Variants in GALNTL6 observed in about 807,000 individuals in gnomAD.
GALNTL6 encodes polypeptide N-acetylgalactosaminyltransferase-like 6.
Under a neutral mutation model 73.7 loss-of-function variants are expected in GALNTL6, and 46 were observed. That is an observed-to-expected ratio of 0.62 (90% CI 0.49 to 0.80). GALNTL6 has a LOEUF of 0.80. Ranked by LOEUF, GALNTL6 falls within the 30% of genes least tolerant of loss-of-function variation. The pLI, the probability that GALNTL6 is intolerant of heterozygous loss-of-function variation, is 0.00. For synonymous variants in GALNTL6, 259 were observed against 263.7 expected (o/e 0.98, Z 0.17); for missense variants, 604 against 755.0 (o/e 0.80, Z 2.34).
intron 11 of GALNTL6, among the ~76,000 whole-genome samples, chr4:173,017,631 T>C (rs13125629): frequency 0.39 from 59,189 of 151,962 alleles, 12,427 homozygotes; most frequent in African/African-American, 0.53. Context: ...GTAATTGATA[T>C]AATCTGAAGA....
At chr4:172,634,364 A>T (rs1739552608) in intron 5 of GALNTL6, among the ~76,000 whole-genome samples, 3 of 152,138 alleles carry the variant, frequency 2.0e-5, no homozygotes, top group Admixed American at 2.0e-4. Context: ...AAATTTTTAT[A>T]TAAAAATCCA....
chr4:172,729,797 T>C (rs1055303690), intron 5 of GALNTL6, among the ~76,000 whole-genome samples: 3 of 152,318 alleles, frequency 2.0e-5, no homozygotes, highest in South Asian at 2.1e-4. Context: ...TAGGATTGCA[T>C]TGAATATGTA....
intron 5 of GALNTL6, among the ~76,000 whole-genome samples, chr4:172,592,125 G>T (rs2111001684): frequency 6.6e-6 from 1 of 152,310 alleles, no homozygotes; most frequent in South Asian, 2.1e-4. Flanking sequence ...CAGTTCTGCG[G>T]TCTGAACAAG....
chr4:172,034,464 A>G (rs1741875291), intron 2 of GALNTL6, among the ~76,000 whole-genome samples: 1 of 147,102 alleles, frequency 6.8e-6, no homozygotes, highest in Non-Finnish European at 1.5e-5. Context: ...TTTGGGAATA[A>G]ATAGAAACAT....
intron 5 of GALNTL6, among the ~76,000 whole-genome samples, chr4:172,437,569 C>A (rs1731678344): frequency 6.6e-6 from 1 of 152,084 alleles, no homozygotes; most frequent in Non-Finnish European, 1.5e-5. Context: ...TCCTATTAGC[C>A]AACAATCTTG....
chr4:172,303,433 A>G (rs1740011415), intron 3 of GALNTL6, among the ~76,000 whole-genome samples: 1 of 152,136 alleles, frequency 6.6e-6, no homozygotes, highest in African/African-American at 2.4e-5. Context: ...ACCTTATGAA[A>G]ACCACACTCT....
chr4:172,996,143 A>G (rs1310239531), intron 10 of GALNTL6, among the ~76,000 whole-genome samples: 1 of 151,638 alleles, frequency 6.6e-6, no homozygotes, highest in African/African-American at 2.4e-5. Context: ...CATCAGTGAC[A>G]GATTGGATAA....
intron 2 of GALNTL6, among the ~76,000 whole-genome samples, chr4:172,151,298 C>T (rs781398968): frequency 5.3e-5 from 8 of 151,980 alleles, no homozygotes; most frequent in Admixed American, 6.6e-5. Flanking sequence ...AATAAAACCA[C>T]GAGATAAAGT....
chr4:172,849,798 G>A lies in GALNTL6; in HGVS notation c.924-32992G>A, dbSNP rs146307951. 2.4e-3 allele frequency among the ~76,000 whole-genome samples: 369 copies of A among 152,186 alleles called. 2 individuals are homozygous for A. The highest frequency in any genetic ancestry group is 8.6e-3 in the African/African-American group (356 of 41,530). On this transcript the variant is annotated intron_variant, in intron 7 of 12. Transcript: ENST00000506823. ...AGTTTGTCAAACTGTTTGATTTGTC[G>A]TGCTGACAAGGAATCATTGAAACAA...
At chr4:172,614,976 A>G (rs1738668749) in intron 5 of GALNTL6, among the ~76,000 whole-genome samples, 1 of 152,178 alleles carries the variant, frequency 6.6e-6, no homozygotes, top group Admixed American at 6.6e-5. Context: ...CAAATTGCAA[A>G]TGAGAAGTTC....
chr4:172,296,122 C>G (rs76498162), intron 3 of GALNTL6, among the ~76,000 whole-genome samples: 4,235 of 152,126 alleles, frequency 0.028, 82 homozygotes, highest in Middle Eastern at 0.075. Context: ...TGTGGATACC[C>G]TTTGTCAGAT....
intron 3 of GALNTL6, among the ~76,000 whole-genome samples, chr4:172,304,550 G>T (rs1272968761): frequency 6.6e-6 from 1 of 152,110 alleles, no homozygotes; most frequent in Admixed American, 6.6e-5. Flanking sequence ...AAAAATTCTT[G>T]AGTGTTTCAG....
At chr4:172,849,107 G>C (rs1025812865) in intron 7 of GALNTL6, among the ~76,000 whole-genome samples, 1 of 152,066 alleles carries the variant, frequency 6.6e-6, no homozygotes, top group East Asian at 1.9e-4. Flanking sequence ...GAGATACCAA[G>C]ATTTCAGTCC....
At chr4:172,930,043 G>A (rs1482146432) in intron 8 of GALNTL6, among the ~76,000 whole-genome samples, 4 of 152,136 alleles carry the variant, frequency 2.6e-5, no homozygotes, top group Non-Finnish European at 4.4e-5. Context: ...TTAGGAGGCC[G>A]AGGTGGGCGG....
chr4:171,853,468 CTTTTT>C (rs544287248), intron 2 of GALNTL6, among the ~76,000 whole-genome samples: 43 of 150,166 alleles, frequency 2.9e-4, no homozygotes, highest in African/African-American at 8.8e-4. Context: ...TCATTCTTTT[CTTTTT>C]TTTCTGTTCT....
At chr4:173,005,318 C>T (rs186431978) in intron 10 of GALNTL6, among the ~76,000 whole-genome samples, 1 of 152,228 alleles carries the variant, frequency 6.6e-6, no homozygotes, top group East Asian at 1.9e-4. Context: ...CTCAGGATTC[C>T]GTGACACAAT....
At chr4:172,609,623 C>T (rs201718575) in intron 5 of GALNTL6, among the ~76,000 whole-genome samples, 8 of 92,594 alleles carry the variant, frequency 8.6e-5, no homozygotes, top group African/African-American at 2.5e-4. Flanking sequence ...CTCTCTCTCT[C>T]TCTGTGTGTG....
chr4:171,912,195 A>G (rs1479874305), intron 2 of GALNTL6, among the ~76,000 whole-genome samples: 3 of 152,196 alleles, frequency 2.0e-5, no homozygotes, highest in Admixed American at 6.5e-5. Context: ...TAGATCCTTT[A>G]TATTTATAGA....
At chr4:172,376,760 G>C (rs543076181) in intron 5 of GALNTL6, among the ~76,000 whole-genome samples, 1 of 152,288 alleles carries the variant, frequency 6.6e-6, no homozygotes, top group Admixed American at 6.5e-5. Context: ...CTTCGTGGTT[G>C]CCAAAATGTA....
Sources: gnomAD v4.1 joint callset for allele counts (sites outside exome capture counted in the v4.1 genomes callset) on GRCh38, gnomAD v4.1.1 for gene constraint, MANE v1.5 for transcripts, NCBI Gene and HGNC (gene_info 2026-07-23, HGNC 2026-07-21) for gene names.